Variants in SEMA3A observed in about 807,000 individuals in gnomAD.
The protein encoded by SEMA3A is semaphorin 3A, also known as semaphorin-3A.
Under a neutral mutation model 97.9 loss-of-function variants are expected in SEMA3A, and 29 were observed. That is an observed-to-expected ratio of 0.30 (90% CI 0.22 to 0.40). The LOEUF is 0.40. Ranked by LOEUF, SEMA3A falls within the 10% of genes least tolerant of loss-of-function variation. The pLI is 1.00. For synonymous variants in SEMA3A, 321 were observed against 323.7 expected (o/e 0.99, Z 0.09); for missense variants, 763 against 951.3 (o/e 0.80, Z 2.60).
intron 5 of SEMA3A, among the ~76,000 whole-genome samples, chr7:84,055,310 C>A (rs572141765): frequency 9.9e-5 from 15 of 152,192 alleles, no homozygotes; most frequent in South Asian, 8.3e-4. Flanking sequence ...CGCCTCGCTG[C>A]GGCCTTGCAG....
rs67227861 is a variant in SEMA3A, at chr7:84,194,421, A to AG, written c.112+53dup. 6,732 of 1,136,494 alleles carry AG rather than the reference A, an allele frequency of 5.9e-3. 21 individuals are homozygous for AG. The highest frequency in any genetic ancestry group is 0.017 in the East Asian group (698 of 40,736). The allele number at this position is 1,136,494 out of a possible 1,614,324, so 70.4% of individuals were successfully genotyped here. On this transcript the variant is annotated intron_variant, in intron 1 of 16. Coordinates refer to ENST00000265362, the MANE Select transcript of SEMA3A (RefSeq NM_006080.3). ...GGTTGGGAGGGAGTTCAAGGAATTA[A>AG]GGGGGGGGGCGGTTATTACAAAGCT...
chr7:84,110,364 A>C, intron 4 of SEMA3A, 106 bp downstream of exon 4: 1 of 1,269,806 alleles, frequency 7.9e-7, no homozygotes, highest in South Asian at 1.4e-5. Flanking sequence ...AGTAGGTCCC[A>C]CTGAATAGTG....
intron 1 of SEMA3A, among the ~76,000 whole-genome samples, chr7:84,424,006 G>C (rs1176304910): frequency 6.6e-6 from 1 of 151,852 alleles, no homozygotes; most frequent in Non-Finnish European, 1.5e-5. Context: ...ATGTTGGCAT[G>C]AATGTGGTGA....
chr7:84,052,214 T>C (rs1792702341), intron 5 of SEMA3A, among the ~76,000 whole-genome samples: 1 of 152,108 alleles, frequency 6.6e-6, no homozygotes, highest in South Asian at 2.1e-4. Flanking sequence ...ATCAGGATGA[T>C]GCTGGCCTCA....
intron 3 of SEMA3A, among the ~76,000 whole-genome samples, chr7:84,123,364 CT>C (rs1359286388): frequency 1.3e-5 from 2 of 151,748 alleles, no homozygotes; most frequent in Non-Finnish European, 1.5e-5. Flanking sequence ...GTATTATATA[CT>C]GCATTATATA....
chr7:84,448,335 T>C (rs1281133416), intron 1 of SEMA3A, among the ~76,000 whole-genome samples: 2 of 152,010 alleles, frequency 1.3e-5, no homozygotes, highest in Non-Finnish European at 2.9e-5. Flanking sequence ...AGAAATAAAA[T>C]CCAAGTTGAA....
intron 1 of SEMA3A, among the ~76,000 whole-genome samples, chr7:84,430,334 C>T (rs139311269): frequency 1.1e-3 from 167 of 151,882 alleles, no homozygotes; most frequent in African/African-American, 3.8e-3. Context: ...ACTTATTAAC[C>T]AAATATAGTT....
chr7:84,464,268 C>T (rs919813757), intron 1 of SEMA3A, among the ~76,000 whole-genome samples: 9 of 152,142 alleles, frequency 5.9e-5, no homozygotes, highest in East Asian at 3.9e-4. Context: ...CCTGAGGTTG[C>T]ATCACAAGCG....
At chr7:83,987,625 C>A (rs1051183160) in intron 12 of SEMA3A, among the ~76,000 whole-genome samples, 1 of 152,124 alleles carries the variant, frequency 6.6e-6, no homozygotes, top group African/African-American at 2.4e-5. Context: ...CCTGGAATTA[C>A]GCCTGGTATT....
chr7:84,464,737 C>A lies in SEMA3A; in HGVS notation c.-246+27723G>T, dbSNP rs1805946946. 1.3e-5 allele frequency among the ~76,000 whole-genome samples: 2 copies of A among 152,038 alleles called. 1 individual carries two copies. Among genetic ancestry groups the A allele is most frequent in the African/African-American group, 4.8e-5 (2 of 41,384 alleles). ...AAATTAGCTTAGAGAGAACAGATAT[C>A]AAAGACGGGGAAAGTTAGGAATAAC... On this transcript the variant is annotated intron_variant, in intron 1 of 3. Coordinates refer to the SEMA3A transcript ENST00000424555.
At chr7:84,148,583 G>A (rs1174778368) in intron 1 of SEMA3A, among the ~76,000 whole-genome samples, 3 of 152,146 alleles carry the variant, frequency 2.0e-5, no homozygotes, top group African/African-American at 4.8e-5. Flanking sequence ...TATGAAGTCA[G>A]ATACCCTAAT....
chr7:84,477,396 A>T (rs1213683161), intron 1 of SEMA3A, among the ~76,000 whole-genome samples: 4 of 147,166 alleles, frequency 2.7e-5, no homozygotes, highest in Non-Finnish European at 6.0e-5. Context: ...CCGAGATCAC[A>T]ATGCTGCACT....
intron 4 of SEMA3A, among the ~76,000 whole-genome samples, chr7:84,063,317 G>GA (rs1295579919): frequency 1.3e-5 from 2 of 149,782 alleles, no homozygotes; most frequent in Admixed American, 6.6e-5. Context: ...CAAAGATGGG[G>GA]AAAAAACAGA....
chr7:84,176,883 A>C (rs1472939576), intron 1 of SEMA3A, among the ~76,000 whole-genome samples: 2 of 152,142 alleles, frequency 1.3e-5, no homozygotes, highest in East Asian at 3.9e-4. Context: ...CTGACTATGG[A>C]AACTGGAAAA....
intron 3 of SEMA3A, among the ~76,000 whole-genome samples, chr7:84,121,084 G>A (rs1235808924): frequency 2.3e-5 from 3 of 128,252 alleles, no homozygotes; most frequent in East Asian, 2.5e-4. Context: ...CGGACAGTGC[G>A]CATATCTGCC....
intron 5 of SEMA3A, among the ~76,000 whole-genome samples, chr7:84,049,871 C>A (rs893479248): frequency 8.3e-5 from 10 of 120,754 alleles, no homozygotes; most frequent in Non-Finnish European, 1.0e-4. Flanking sequence ...CCCCTCCCCC[C>A]ACCCCACCAC....
At chr7:84,348,888 G>A (rs1283908924) in intron 2 of SEMA3A, among the ~76,000 whole-genome samples, 2 of 149,756 alleles carry the variant, frequency 1.3e-5, no homozygotes, top group South Asian at 4.3e-4. Context: ...GGAGACTGAG[G>A]CAGGAGAATC....
intron 2 of SEMA3A, among the ~76,000 whole-genome samples, chr7:84,309,007 G>A (rs1266202135): frequency 2.0e-5 from 3 of 151,774 alleles, no homozygotes; most frequent in Admixed American, 6.6e-5. Context: ...TAGTATAGAC[G>A]GGGTTTCATC....
chr7:84,063,370 C>T (rs979613384), intron 4 of SEMA3A, among the ~76,000 whole-genome samples: 26 of 151,048 alleles, frequency 1.7e-4, no homozygotes, highest in African/African-American at 5.9e-4. Flanking sequence ...GCCTCTCCTC[C>T]TCCAAAGGAA....
Sources: allele counts gnomAD v4.1 joint callset (sites outside exome capture counted in the v4.1 genomes callset), GRCh38; gene constraint gnomAD v4.1.1; transcripts MANE v1.5; gene names NCBI Gene and HGNC (gene_info 2026-07-23, HGNC 2026-07-21).